Variants in SNAP25 observed in about 807,000 individuals in gnomAD.
SNAP25 encodes the protein synaptosomal-associated protein 25.
SNAP25 carries 3 observed loss-of-function variants against 28.7 expected under a neutral mutation model. That is an observed-to-expected ratio of 0.10 (90% CI 0.05 to 0.27). SNAP25 has a LOEUF of 0.27. Among genes scored for constraint, SNAP25 ranks in the 10% least tolerant of loss-of-function variants. SNAP25 has a pLI of 1.00. For synonymous variants in SNAP25, 61 were observed against 88.1 expected (o/e 0.69, Z 1.72); for missense variants, 117 against 278.7 (o/e 0.42, Z 4.13).
At chr20:10,221,225 G>A (rs1306128707) in intron 1 of SNAP25, among the ~76,000 whole-genome samples, 1 of 152,176 alleles carries the variant, frequency 6.6e-6, no homozygotes, top group Non-Finnish European at 1.5e-5. Context: ...ATTACTGCTG[G>A]GTTTGTTTGC....
chr20:10,295,042 C>T (rs761593795), intron 5 of SNAP25, among the ~76,000 whole-genome samples: 3 of 152,232 alleles, frequency 2.0e-5, no homozygotes, highest in Non-Finnish European at 4.4e-5. Flanking sequence ...TCACTAATTT[C>T]CTTAATGCAC....
At chr20:10,237,543 G>T (rs1305920953) in intron 1 of SNAP25, among the ~76,000 whole-genome samples, 1 of 152,168 alleles carries the variant, frequency 6.6e-6, no homozygotes, top group Non-Finnish European at 1.5e-5. Flanking sequence ...TATCACAATG[G>T]CTGTCTCCAG....
chr20:10,274,800 G>A (rs1024591998), intron 1 of SNAP25, among the ~76,000 whole-genome samples: 2 of 152,034 alleles, frequency 1.3e-5, no homozygotes, highest in African/African-American at 2.4e-5. Flanking sequence ...CTGAGATCAC[G>A]CCACTGCACT....
chr20:10,271,806 A>G (rs934927815), intron 1 of SNAP25, among the ~76,000 whole-genome samples: 5 of 152,266 alleles, frequency 3.3e-5, no homozygotes, highest in African/African-American at 1.2e-4. Context: ...GGAGTGGGAC[A>G]GAGCAATAGC....
intron 1 of SNAP25, among the ~76,000 whole-genome samples, chr20:10,236,086 C>G (rs74711389): frequency 0.047 from 7,107 of 152,292 alleles, 156 homozygotes; most frequent in Middle Eastern, 0.061. Flanking sequence ...TCAGAGAGAG[C>G]CCCACCTCTG....
Position 10,293,332 on chromosome 20 carries a change from C to G in SNAP25, c.281+54C>G. 1 of 1,375,394 alleles carries G rather than the reference C, an allele frequency of 7.3e-7. No homozygotes were observed. The highest frequency in any genetic ancestry group is 1.0e-6 in the Non-Finnish European group (1 of 964,148). 85.2% of individuals were successfully genotyped at this position (1,375,394 alleles called of 1,614,324 possible). On this transcript the variant is annotated intron_variant, in intron 5 of 7. Coordinates refer to ENST00000254976, the MANE Select transcript of SNAP25 (RefSeq NM_130811.4). The surrounding 1 kb of genome is among the most constrained non-coding windows in gnomAD (Gnocchi z 5.6). Reference sequence around the variant, plus strand: ...TGATTTCCCAAGGCCCATCTCCAAGCCTTGACAAGCTCATTCCTGCCAAGC... The same window carrying G: ...TGATTTCCCAAGGCCCATCTCCAAGGCTTGACAAGCTCATTCCTGCCAAGC...
chr20:10,282,566 A>G (rs2063800258), intron 3 of SNAP25, among the ~76,000 whole-genome samples: 1 of 152,258 alleles, frequency 6.6e-6, no homozygotes, highest in African/African-American at 2.4e-5. Flanking sequence ...AGGGCTCCAC[A>G]TAAAAATAAA....
At chr20:10,243,171 A>G (rs1487785139) in intron 1 of SNAP25, among the ~76,000 whole-genome samples, 1 of 152,232 alleles carries the variant, frequency 6.6e-6, no homozygotes, top group Non-Finnish European at 1.5e-5. Flanking sequence ...CCAGAAGCCC[A>G]GGTCGTATCC....
At chr20:10,285,566 A>G (rs2063859748) in intron 4 of SNAP25, among the ~76,000 whole-genome samples, 1 of 152,224 alleles carries the variant, frequency 6.6e-6, no homozygotes, top group Non-Finnish European at 1.5e-5. Context: ...CATATTTTGT[A>G]AAAGCATTAG....
chr20:10,255,519 G>A (rs1379446848), intron 1 of SNAP25, among the ~76,000 whole-genome samples: 2 of 152,154 alleles, frequency 1.3e-5, no homozygotes, highest in African/African-American at 4.8e-5. Flanking sequence ...GGAATTCACT[G>A]TGGTCTATAC....
At chr20:10,291,193 C>T (rs1237101665) in intron 4 of SNAP25, among the ~76,000 whole-genome samples, 2 of 152,186 alleles carry the variant, frequency 1.3e-5, no homozygotes, top group Non-Finnish European at 2.9e-5. Flanking sequence ...CCTGCCTCAG[C>T]CTCCCAAGTA....
chr20:10,299,463 A>C (rs1253698164), intron 7 of SNAP25, 51 bp downstream of exon 7: 1 of 1,568,974 alleles, frequency 6.4e-7, no homozygotes, highest in Admixed American at 1.8e-5. Flanking sequence ...TTCTGAAATG[A>C]CCAACAGGAA....
chr20:10,236,756 G>A (rs1481835646), intron 1 of SNAP25, among the ~76,000 whole-genome samples: 3 of 151,974 alleles, frequency 2.0e-5, no homozygotes, highest in African/African-American at 4.8e-5. Context: ...CCTTCTTAGC[G>A]ATTCCAGGGA....
chr20:10,293,328 C>T lies in SNAP25; in HGVS notation c.281+50C>T, dbSNP rs766618098. 7.3e-7 allele frequency: 1 copy of T among 1,364,362 alleles called. No individual in the cohort carries two copies. The highest frequency in any genetic ancestry group is 1.0e-6 in the Non-Finnish European group (1 of 954,014). The allele number at this position is 1,364,362 out of a possible 1,614,324, so 84.5% of individuals were successfully genotyped here. ...GCTTTGATTTCCCAAGGCCCATCTC[C>T]AAGCCTTGACAAGCTCATTCCTGCC... On this transcript the variant is annotated intron_variant, in intron 5 of 7. Coordinates refer to ENST00000254976, the MANE Select transcript of SNAP25 (RefSeq NM_130811.4). This position sits in a 1 kb window ranked among gnomAD's most constrained non-coding sequence, Gnocchi z 5.6.
intron 4 of SNAP25, chr20:10,292,747 T>G (rs1189517471): frequency 3.1e-6 from 2 of 642,032 alleles, no homozygotes; most frequent in African/African-American, 1.8e-5. Context: ...GGTAGCAGTC[T>G]TCAACAATGC....
At chr20:10,256,933 G>A (rs548800494) in intron 1 of SNAP25, among the ~76,000 whole-genome samples, 5 of 152,268 alleles carry the variant, frequency 3.3e-5, no homozygotes, top group Admixed American at 6.5e-5. Flanking sequence ...ATAAAAAACA[G>A]GATAATATGT....
intron 1 of SNAP25, among the ~76,000 whole-genome samples, chr20:10,273,602 C>CCTG (rs2063636379): frequency 6.6e-6 from 1 of 152,142 alleles, no homozygotes; most frequent in Non-Finnish European, 1.5e-5. Flanking sequence ...GAGGAGAATA[C>CCTG]CTGCTTCTGA....
chr20:10,282,407 G>T (rs1402139970), intron 3 of SNAP25, among the ~76,000 whole-genome samples: 3 of 152,160 alleles, frequency 2.0e-5, no homozygotes, highest in Non-Finnish European at 4.4e-5. Flanking sequence ...ACAACCCAGT[G>T]TTCGTGACTC....
intron 1 of SNAP25, among the ~76,000 whole-genome samples, chr20:10,221,613 A>G (rs995545149): frequency 6.6e-6 from 1 of 152,184 alleles, no homozygotes; most frequent in Non-Finnish European, 1.5e-5. Context: ...ACAATTTACA[A>G]TCCTCTTAAC....
Sources: gnomAD v4.1 joint callset for allele counts (sites outside exome capture counted in the v4.1 genomes callset) on GRCh38, gnomAD v4.1.1 for gene constraint, Gnocchi (gnomAD v3.1) non-coding constraint, MANE v1.5 for transcripts, NCBI Gene and HGNC (gene_info 2026-07-23, HGNC 2026-07-21) for gene names.